Variants in GANC observed in about 807,000 individuals in gnomAD.
GANC encodes the protein glucosidase alpha, neutral C.
A neutral mutation model predicts 124.2 loss-of-function variants in GANC; 117 were observed. The observed-to-expected ratio is 0.94, with a 90% CI of 0.81 to 1.10. GANC has a LOEUF of 1.10. Among genes scored for constraint, GANC ranks in the 50% least tolerant of loss-of-function variants. GANC has a pLI of 0.00. For missense variants in GANC, 1,140 were observed against 1,095.0 expected, an observed-to-expected ratio of 1.04 and a Z score of -0.58; for synonymous variants, 377 against 376.8, an observed-to-expected ratio of 1.00 and a Z score of -0.01.
intron 1 of GANC, 72 bp downstream of exon 1, chr15:42,274,582 TTTC>T: frequency 7.1e-7 from 1 of 1,410,796 alleles, no homozygotes; most frequent in Non-Finnish European, 9.7e-7. Flanking sequence ...TTTAATTGCA[TTTC>T]TTATTTGCGT....
At chr15:42,278,410 A>G (rs1016557373) in intron 2 of GANC, 72 bp from the exon 3 acceptor site, 4 of 1,005,100 alleles carry the variant, frequency 4.0e-6, no homozygotes, top group Non-Finnish European at 6.0e-6. Context: ...TGACTTCCAC[A>G]TGATAATATA....
intron 15 of GANC, among the ~76,000 whole-genome samples, chr15:42,331,626 G>T (rs2052246334): frequency 1.3e-5 from 2 of 152,058 alleles, no homozygotes; most frequent in Non-Finnish European, 2.9e-5. Flanking sequence ...TTCTGGAAAG[G>T]GCCAAAATAT....
intron 15 of GANC, among the ~76,000 whole-genome samples, chr15:42,337,156 T>C (rs2052289291): frequency 6.6e-6 from 1 of 152,130 alleles, no homozygotes; most frequent in South Asian, 2.1e-4. Context: ...GGAATACAAA[T>C]CATTCTGTCA....
At chr15:42,306,655 A>G in intron 7 of GANC, 43 bp downstream of exon 7, 1 of 1,347,356 alleles carries the variant, frequency 7.4e-7, no homozygotes. Context: ...ATCATTCTAA[A>G]AATGTCTACA....
chr15:42,350,837 T>A (rs2052426896), intron 22 of GANC, among the ~76,000 whole-genome samples: 1 of 151,512 alleles, frequency 6.6e-6, no homozygotes, highest in South Asian at 2.1e-4. Flanking sequence ...ATTACAGGCA[T>A]GAGCCACCAT....
At chr15:42,300,302 C>G (rs559529194) in intron 6 of GANC, among the ~76,000 whole-genome samples, 1 of 152,216 alleles carries the variant, frequency 6.6e-6, no homozygotes, top group African/African-American at 2.4e-5. Flanking sequence ...AGGATATGAA[C>G]AGACACTTCT....
At chr15:42,349,608 G>A (rs1253255959) in intron 22 of GANC, 113 bp downstream of exon 22, 1 of 687,688 alleles carries the variant, frequency 1.5e-6, no homozygotes, top group Non-Finnish European at 2.6e-6. Flanking sequence ...AGAAATGAAT[G>A]GTGAAGGCCG....
intron 15 of GANC, among the ~76,000 whole-genome samples, chr15:42,332,310 A>C (rs1467978839): frequency 6.6e-6 from 1 of 152,222 alleles, no homozygotes. Flanking sequence ...AATTGTCTAC[A>C]AGTATCATTT....
At chr15:42,341,997 T>C (rs976953870) in intron 18 of GANC, among the ~76,000 whole-genome samples, 10 of 152,204 alleles carry the variant, frequency 6.6e-5, no homozygotes, top group African/African-American at 1.4e-4. Flanking sequence ...GCCCCTCTTA[T>C]TATGTAACTT....
intron 12 of GANC, 42 bp downstream of exon 12, chr15:42,326,466 G>C (rs1566958368): frequency 6.2e-7 from 1 of 1,612,446 alleles, no homozygotes; most frequent in South Asian, 1.1e-5. Flanking sequence ...CACATGTTCT[G>C]TCCCAATTAA....
intron 11 of GANC, 103 bp from the exon 12 acceptor site, chr15:42,326,195 G>C (rs745351397): frequency 2.7e-6 from 2 of 754,426 alleles, no homozygotes; most frequent in Non-Finnish European, 4.5e-6. Context: ...ACTAGTTGTA[G>C]TTGTTTGTAA....
Position 42,352,143 on chromosome 15 carries a change from A to C in GANC, c.*4A>C, listed in dbSNP as rs1269445115. 1 of 1,614,044 alleles carries C rather than the reference A, an allele frequency of 6.2e-7. No individual in the cohort carries two copies. Among genetic ancestry groups the C allele is most frequent in the African/African-American group, 1.3e-5 (1 of 74,926 alleles). On this transcript the variant is annotated 3_prime_UTR_variant, in exon 24 of 24. Coordinates refer to ENST00000318010, the MANE Select transcript of GANC (RefSeq NM_198141.3). ...CTGGGAGGTCCGCATCATATGACAA[A>C]GAACTGCCCCTGGTGATGTGAGCAG...
chr15:42,349,673 T>G (rs1185611091), intron 22 of GANC, among the ~76,000 whole-genome samples, 178 bp downstream of exon 22: 1 of 152,052 alleles, frequency 6.6e-6, no homozygotes, highest in Non-Finnish European at 1.5e-5. Flanking sequence ...AGACAGAGTC[T>G]CACTCACTCT....
intron 3 of GANC, among the ~76,000 whole-genome samples, chr15:42,279,269 C>T (rs1050679488): frequency 8.5e-5 from 13 of 152,200 alleles, no homozygotes; most frequent in Non-Finnish European, 1.9e-4. Flanking sequence ...CTGCATCTGT[C>T]AGACGCTGTC....
At chr15:42,306,040 T>TA (rs1320239101) in intron 6 of GANC, among the ~76,000 whole-genome samples, 1 of 150,956 alleles carries the variant, frequency 6.6e-6, no homozygotes, top group East Asian at 1.9e-4. Flanking sequence ...ATTTTTTTTT[T>TA]TTTTGAGACA....
chr15:42,315,661 C>T lies in GANC; in HGVS notation c.1057+4815C>T, dbSNP rs578093678. Among the ~76,000 whole-genome samples the T allele has an allele frequency of 2.0e-5, 3 of 152,212 alleles. No homozygotes were observed. The East Asian group carries it at 5.8e-4, about 29-fold the overall frequency. ...GTGTCAATTTGACTAGGTCGTGGTA[C>T]CCAGGTATTCAAACACCAGTCTAGA... On this transcript the variant is annotated intron_variant, in intron 10 of 23. Coordinates refer to ENST00000318010, the MANE Select transcript of GANC (RefSeq NM_198141.3).
intron 19 of GANC, among the ~76,000 whole-genome samples, chr15:42,345,292 T>A (rs1249796808): frequency 6.6e-6 from 1 of 152,176 alleles, no homozygotes; most frequent in East Asian, 1.9e-4. Context: ...TCTCTGATGC[T>A]TCCTTTTCTC....
intron 10 of GANC, among the ~76,000 whole-genome samples, chr15:42,319,854 C>T (rs1331573888): frequency 6.6e-6 from 1 of 152,126 alleles, no homozygotes; most frequent in East Asian, 1.9e-4. Context: ...CTCCAATGAG[C>T]ATTTCCTTTG....
At chr15:42,326,163 T>C (rs2052196763) in intron 11 of GANC, 135 bp from the exon 12 acceptor site, 1 of 659,308 alleles carries the variant, frequency 1.5e-6, no homozygotes, top group South Asian at 2.0e-5. Flanking sequence ...TGTTTTTGTT[T>C]TTTTGTCTGA....
Sources: gnomAD v4.1 joint callset for allele counts (sites outside exome capture counted in the v4.1 genomes callset) on GRCh38, gnomAD v4.1.1 for gene constraint, MANE v1.5 for transcripts, NCBI Gene and HGNC (gene_info 2026-07-23, HGNC 2026-07-21) for gene names.